KIT: variants seen among roughly 807,000 people sequenced by gnomAD.
KIT encodes KIT proto-oncogene, receptor tyrosine kinase, also known as mast/stem cell growth factor receptor Kit.
Under a neutral mutation model 105.7 loss-of-function variants are expected in KIT, and 16 were observed. That is an observed-to-expected ratio of 0.15 (90% CI 0.10 to 0.23). KIT has a LOEUF of 0.23. KIT is among the 10% of genes least tolerant of loss of function. The pLI, the probability that KIT is intolerant of heterozygous loss-of-function variation, is 1.00. For missense variants in KIT, 858 were observed against 1,213.8 expected (o/e 0.71, Z 4.36); for synonymous variants, 438 against 441.1 (o/e 0.99, Z 0.09).
Position 54,726,037 on chromosome 4 carries a change from A to G in KIT, c.1527A>G (p.Lys509=), listed in dbSNP as rs2109769802. ...CTGCCTATTTTAACTTTGCATTTAA[A>G]GGTAACAACAAAGGTATATTTCTTT... ...KTSAYFNFAF[K]GNNKEQIHPH... is the part of the protein sequence containing the mutation. Residue 509 remains lysine (K), a synonymous_variant, in exon 9 of 21, where the codon AAA becomes AAG. Coordinates refer to ENST00000288135, the MANE Select transcript of KIT (RefSeq NM_000222.3). The G allele has an allele frequency of 6.2e-7, 1 of 1,613,830 alleles. No homozygotes were observed. The highest frequency in any genetic ancestry group is 8.5e-7 in the Non-Finnish European group (1 of 1,179,682).
intron 1 of KIT, among the ~76,000 whole-genome samples, chr4:54,680,392 T>TTC (rs1343319825): frequency 4.7e-5 from 7 of 149,212 alleles, no homozygotes; most frequent in African/African-American, 1.8e-4. Context: ...GTCCTTTTTT[T>TTC]TTTTTTTTTT....
At chr4:54,710,240 C>T (rs1281021474) in intron 7 of KIT, among the ~76,000 whole-genome samples, 1 of 152,224 alleles carries the variant, frequency 6.6e-6, no homozygotes, top group Admixed American at 6.5e-5. Flanking sequence ...AGGGCTTCTT[C>T]CTGGCTCCAC....
chr4:54,685,863 C>A (rs1719276280), intron 1 of KIT, among the ~76,000 whole-genome samples: 1 of 152,218 alleles, frequency 6.6e-6, no homozygotes, highest in South Asian at 2.1e-4. Context: ...CCCTAGGAAT[C>A]TTTTTCTGAG....
rs769263048 is a variant in KIT, at chr4:54,727,472, T to C, written c.1704T>C (p.Tyr568=). 6.2e-7 allele frequency: 1 copy of C among 1,614,170 alleles called. No homozygotes were observed. ...TTGAGGAGATAAATGGAAACAATTA[T>C]GTTTACATAGACCCAACACAACTTC... The part of the protein sequence containing the change: ...KVVEEINGNN[Y]VYIDPTQLPY... Residue 568 remains tyrosine (Y), a synonymous_variant, in exon 11 of 21, where the codon TAT becomes TAC. Coordinates refer to ENST00000288135, the MANE Select transcript of KIT (RefSeq NM_000222.3).
intron 7 of KIT, among the ~76,000 whole-genome samples, chr4:54,710,125 G>A (rs1458546371): frequency 6.6e-6 from 1 of 152,190 alleles, no homozygotes; most frequent in Non-Finnish European, 1.5e-5. Context: ...CACTGCTGGG[G>A]TCCTACCGAC....
intron 1 of KIT, among the ~76,000 whole-genome samples, chr4:54,665,708 A>G (rs1717641518): frequency 6.6e-6 from 1 of 152,090 alleles, no homozygotes; most frequent in Non-Finnish European, 1.5e-5. Flanking sequence ...GGGAGAGAAT[A>G]TGATGTTGGA....
In KIT at chr4:54,701,985, T is replaced by G. The variant is rs576198205; in HGVS notation, c.757-1739T>G. ...GAAAAGCCTTTAAAGATAGTTTTGT[T>G]CCCACATACCCTTTTAGAAACTAAA... On this transcript the variant is annotated intron_variant, in intron 4 of 20. Transcript: ENST00000288135. Among the ~76,000 whole-genome samples, 9 of 152,326 alleles carry G rather than the reference T, an allele frequency of 5.9e-5. 1 individual carries two copies. The South Asian group carries it at 1.9e-3, about 32-fold the overall frequency.
At chr4:54,727,797 T>C (rs2109778986) in intron 11 of KIT, 26 bp from the exon 12 acceptor site, 1 of 1,586,954 alleles carries the variant, frequency 6.3e-7, no homozygotes, top group Non-Finnish European at 8.6e-7. Context: ...CCATCACCAC[T>C]TACCTTGTTG....
chr4:54,734,747 C>A lies in KIT; in HGVS notation c.2484+1555C>A, dbSNP rs543876010. ...TGTGTCAGGTTCTCTGAAGTTCTTTCCTTTCACATGAGTTCTTCATTGTTT... is the reference window on the plus strand; with the variant it reads ...TGTGTCAGGTTCTCTGAAGTTCTTTACTTTCACATGAGTTCTTCATTGTTT... On this transcript the variant is annotated intron_variant, in intron 17 of 20. Transcript: ENST00000288135. 9.2e-5 allele frequency among the ~76,000 whole-genome samples: 14 copies of A among 152,266 alleles called. No individual in the cohort carries two copies. The South Asian group carries it at 2.3e-3, about 25-fold the overall frequency.
chr4:54,709,337 C>A (rs2109713577), intron 6 of KIT, 87 bp from the exon 7 acceptor site: 1 of 845,890 alleles, frequency 1.2e-6, no homozygotes, highest in Non-Finnish European at 2.1e-6. Context: ...CTCAAACAGG[C>A]ATAGATTTCC....
rs1717258775 is a variant in KIT at position 54,661,405 on chromosome 4, T to G, written c.67+3324T>G. 2.6e-5 allele frequency among the ~76,000 whole-genome samples: 4 copies of G among 152,196 alleles called. No homozygotes were observed. In the South Asian group the frequency reaches 8.3e-4, roughly 32 times the overall value. ...TGTTGACAGCCCTTCGAAGTTACCC[T>G]TAGGGTTTTGACTCATTTCCTCAAG... On this transcript the variant is annotated intron_variant, in intron 1 of 20. Transcript: ENST00000288135.
intron 1 of KIT, among the ~76,000 whole-genome samples, chr4:54,687,989 G>A (rs2855777): frequency 0.5 from 76,544 of 151,996 alleles, 19,673 homozygotes; most frequent in African/African-American, 0.6. Flanking sequence ...TAATGACGAC[G>A]GTGCATTGAG....
chr4:54,736,634 A>C, intron 18 of KIT, 25 bp downstream of exon 18: 1 of 1,599,956 alleles, frequency 6.3e-7, no homozygotes, highest in Non-Finnish European at 8.6e-7. Flanking sequence ...GCCAAAGACA[A>C]CTTCATTAGA....
At chr4:54,658,153 G>A (rs1037167192) in intron 1 of KIT, 72 bp downstream of exon 1, 2 of 1,451,408 alleles carry the variant, frequency 1.4e-6, no homozygotes, top group African/African-American at 1.4e-5. Context: ...GGTGGTACCC[G>A]CCAGGGTGCA....
intron 1 of KIT, among the ~76,000 whole-genome samples, chr4:54,688,153 C>T (rs1719449637): frequency 1.3e-5 from 2 of 152,118 alleles, no homozygotes; most frequent in South Asian, 2.1e-4. Context: ...TACTCCCCCT[C>T]CCCCATCTGC....
intron 1 of KIT, among the ~76,000 whole-genome samples, chr4:54,667,810 A>G (rs1037725893): frequency 1.3e-5 from 2 of 152,224 alleles, no homozygotes; most frequent in African/African-American, 4.8e-5. Context: ...ATGGAAAAGT[A>G]TGGATATCAC....
intron 2 of KIT, among the ~76,000 whole-genome samples, chr4:54,696,367 T>G (rs1720066113): frequency 6.6e-6 from 1 of 152,188 alleles, no homozygotes; most frequent in Admixed American, 6.5e-5. Context: ...ACAAGTTCAG[T>G]GATTTGTCTG....
rs761684550 is a variant in KIT at position 54,736,723 on chromosome 4, A to G, written c.2599A>G (p.Ser867Gly). 1.2e-6 allele frequency: 2 copies of G among 1,613,890 alleles called. No homozygotes were observed. The highest frequency in any genetic ancestry group is 1.7e-6 in the Non-Finnish European group (2 of 1,179,876). The change falls in exon 19 of 21, where the codon AGC becomes GGC. Residue 867 changes from serine to glycine, a missense_variant and splice_region_variant. This residue lies in a region of KIT where 63 missense variants were observed against 137.4 expected (regional missense o/e 0.46). Transcript: ENST00000288135. ...CTGCTTTGCAAACTGTGTCTCAGGA[A>G]GCAGCCCCTATCCTGGAATGCCGGT... ...IFLWELFSLG[S>G]SPYPGMPVDS...
Position 54,698,684 on chromosome 4 carries a change from C to G in KIT, c.619+119C>G. The G allele has an allele frequency of 3.5e-6, 4 of 1,137,102 alleles. No individual in the cohort carries two copies. In the South Asian group the frequency reaches 3.9e-5, roughly 11 times the overall value. 70.4% of individuals were successfully genotyped at this position (1,137,102 alleles called of 1,614,324 possible). A position where few individuals can be genotyped will look rare whatever the true frequency, so the allele number is the denominator to read the frequency against. ...CAGGGAGCTAGCTGTTCATAGTTCC[C>G]CCAGCTTCAAAAAATGTCATCTGCT... is the stretch of plus-strand genomic sequence containing the variant. On this transcript the variant is annotated intron_variant, in intron 3 of 20. Coordinates refer to ENST00000288135, the MANE Select transcript of KIT (RefSeq NM_000222.3).
Sources: gnomAD v4.1 joint callset for allele counts (sites outside exome capture counted in the v4.1 genomes callset) on GRCh38, gnomAD v4.1.1 for gene constraint, gnomAD v4.1.1 regional missense constraint, MANE v1.5 for transcripts, NCBI Gene and HGNC (gene_info 2026-07-23, HGNC 2026-07-21) for gene names.